TMEM132D: variants seen among roughly 807,000 people sequenced by gnomAD.
TMEM132D encodes mature OL transmembrane protein.
A neutral mutation model predicts 62.3 loss-of-function variants in TMEM132D; 21 were observed. The observed-to-expected ratio is 0.34, with a 90% CI of 0.24 to 0.49. The LOEUF (loss-of-function observed/expected upper bound fraction) is 0.49. Ranked by LOEUF, TMEM132D falls within the 20% of genes least tolerant of loss-of-function variation. The pLI is 0.99. For synonymous variants in TMEM132D, 621 were observed against 575.6 expected, an observed-to-expected ratio of 1.08 and a Z score of -1.13; for missense variants, 1,346 against 1,402.8, an observed-to-expected ratio of 0.96 and a Z score of 0.65.
Position 129,304,188 on chromosome 12 carries a change from C to T in TMEM132D, c.1299+33446G>A, listed in dbSNP as rs558574065. Among the ~76,000 whole-genome samples the T allele has an allele frequency of 2.6e-5, 4 of 152,368 alleles. No homozygotes were observed. The South Asian group carries it at 8.3e-4, about 32-fold the overall frequency. On this transcript the variant is annotated intron_variant, in intron 4 of 8. Coordinates refer to ENST00000422113, the MANE Select transcript of TMEM132D (RefSeq NM_133448.3). Reference sequence around the variant, plus strand: ...TCTGTAAGCAGAGTCATTGACACCACACAGTGGCTGGTGTGATCTTTCAAA... The same window carrying T: ...TCTGTAAGCAGAGTCATTGACACCATACAGTGGCTGGTGTGATCTTTCAAA...
intron 5 of TMEM132D, among the ~76,000 whole-genome samples, chr12:129,138,549 C>T (rs1479238803): frequency 2.0e-5 from 3 of 152,016 alleles, no homozygotes; most frequent in Non-Finnish European, 4.4e-5. Context: ...GAAGAAACCC[C>T]GTCTCTACTA....
intron 5 of TMEM132D, among the ~76,000 whole-genome samples, chr12:129,094,249 A>T (rs1875025350): frequency 6.6e-6 from 1 of 152,244 alleles, no homozygotes; most frequent in Non-Finnish European, 1.5e-5. Context: ...CAGGCAACCT[A>T]CAGAATGGGA....
intron 1 of TMEM132D, among the ~76,000 whole-genome samples, chr12:129,794,638 C>A (rs182060679): frequency 6.6e-6 from 1 of 152,134 alleles, no homozygotes; most frequent in Admixed American, 6.5e-5. Flanking sequence ...TTGCCCATTA[C>A]GTTTTACAGA....
intron 3 of TMEM132D, among the ~76,000 whole-genome samples, chr12:129,523,762 A>G (rs1192514091): frequency 1.3e-5 from 2 of 152,204 alleles, no homozygotes; most frequent in Non-Finnish European, 2.9e-5. Context: ...GCGTCAGGAA[A>G]TGGTGAGTGA....
At chr12:129,587,566 G>C (rs760983969) in intron 2 of TMEM132D, among the ~76,000 whole-genome samples, 19 of 152,158 alleles carry the variant, frequency 1.2e-4, no homozygotes, top group Non-Finnish European at 2.5e-4. Flanking sequence ...TCGCTCCAGA[G>C]CCCTCAGGAA....
chr12:129,445,787 A>T (rs1271816061), intron 3 of TMEM132D, among the ~76,000 whole-genome samples: 1 of 152,186 alleles, frequency 6.6e-6, no homozygotes, highest in Non-Finnish European at 1.5e-5. Context: ...TTGTATTCTT[A>T]CTTGTTGCAG....
intron 2 of TMEM132D, among the ~76,000 whole-genome samples, chr12:129,650,004 A>G (rs1824460817): frequency 6.6e-6 from 1 of 152,076 alleles, no homozygotes; most frequent in African/African-American, 2.4e-5. Context: ...AGGAAATAGA[A>G]TACAAAATAT....
chr12:129,460,683 A>G (rs1873636264), intron 3 of TMEM132D, among the ~76,000 whole-genome samples: 1 of 152,214 alleles, frequency 6.6e-6, no homozygotes, highest in Non-Finnish European at 1.5e-5. Flanking sequence ...GGGAGAGCCA[A>G]ATACCACATG....
intron 3 of TMEM132D, among the ~76,000 whole-genome samples, chr12:129,399,516 C>T (rs1871549691): frequency 7.5e-6 from 1 of 133,884 alleles, no homozygotes; most frequent in African/African-American, 2.9e-5. Context: ...ATCTTCTCAC[C>T]TCTCAAAGGT....
intron 1 of TMEM132D, among the ~76,000 whole-genome samples, chr12:129,836,443 A>G (rs1873006800): frequency 6.6e-6 from 1 of 151,972 alleles, no homozygotes; most frequent in South Asian, 2.1e-4. Flanking sequence ...GGTATTTGTT[A>G]ACTAAATGAT....
chr12:129,288,113 CACA>C (rs903163093), intron 4 of TMEM132D, among the ~76,000 whole-genome samples: 52 of 152,300 alleles, frequency 3.4e-4, no homozygotes, highest in Admixed American at 1.4e-3. Flanking sequence ...GTGCACCATG[CACA>C]ACAACAACTC....
At chr12:129,254,402 C>G (rs1305683003) in intron 4 of TMEM132D, among the ~76,000 whole-genome samples, 1 of 152,184 alleles carries the variant, frequency 6.6e-6, no homozygotes. Flanking sequence ...TCTTAGCGTC[C>G]TTGAGAAGTG....
At chr12:129,255,026 C>T (rs1880364149) in intron 4 of TMEM132D, among the ~76,000 whole-genome samples, 1 of 152,126 alleles carries the variant, frequency 6.6e-6, no homozygotes, top group Non-Finnish European at 1.5e-5. Flanking sequence ...GTGCTGTTCT[C>T]ACGATAGAGT....
chr12:129,076,400 A>G (rs759212546), intron 8 of TMEM132D, among the ~76,000 whole-genome samples: 2 of 149,984 alleles, frequency 1.3e-5, no homozygotes, highest in African/African-American at 2.5e-5. Context: ...CTTTTGCTTG[A>G]GTGGATTTTT....
intron 1 of TMEM132D, among the ~76,000 whole-genome samples, chr12:129,828,697 GAGGGAGGGAGA>G (rs1872729423): frequency 1.3e-5 from 1 of 79,936 alleles, no homozygotes; most frequent in African/African-American, 4.9e-5. Flanking sequence ...GGAAGGGAGG[GAGGGAGGGAGA>G]AGGAAGGGAG....
chr12:129,400,494 G>A (rs1871589700), intron 3 of TMEM132D, among the ~76,000 whole-genome samples: 2 of 152,130 alleles, frequency 1.3e-5, no homozygotes, highest in Non-Finnish European at 2.9e-5. Flanking sequence ...GGCTTTACTG[G>A]TCCAACCAGA....
At chr12:129,419,627 A>G (rs1247071266) in intron 3 of TMEM132D, among the ~76,000 whole-genome samples, 3 of 152,194 alleles carry the variant, frequency 2.0e-5, no homozygotes, top group African/African-American at 7.2e-5. Flanking sequence ...AGCTAATAAT[A>G]TAATTCTTTA....
Position 129,867,737 on chromosome 12 carries a change from A to G in TMEM132D, c.79+35524T>C, listed in dbSNP as rs12317848. ...CAAATTGTACATCTTCAATAGATACAATTTTTGTCAATTTTACCTCAATAA... is the reference window on the plus strand; with the variant it reads ...CAAATTGTACATCTTCAATAGATACGATTTTTGTCAATTTTACCTCAATAA... On this transcript the variant is annotated intron_variant, in intron 1 of 8. Coordinates refer to ENST00000422113, the MANE Select transcript of TMEM132D (RefSeq NM_133448.3). This position sits in a 1 kb window ranked among gnomAD's most constrained non-coding sequence, Gnocchi z 4.5. Among the ~76,000 whole-genome samples, 637 of 152,340 alleles carry G rather than the reference A, an allele frequency of 4.2e-3. 4 individuals carry two copies. Among genetic ancestry groups the G allele is most frequent in the African/African-American group, 0.015 (616 of 41,584 alleles).
In TMEM132D at chr12:129,494,073, C is replaced by T. The variant is rs148713923; in HGVS notation, c.1115+36986G>A. Among the ~76,000 whole-genome samples the T allele has an allele frequency of 2.0e-3, 308 of 152,254 alleles. 2 individuals carry two copies. Among genetic ancestry groups the T allele is most frequent in the African/African-American group, 7.0e-3 (289 of 41,538 alleles). ...CCACCTGGTGAAAAGTGAGCATCCA[C>T]GAACACACGCTCATCCAACAAGCCT... On this transcript the variant is annotated intron_variant, in intron 3 of 8. Coordinates refer to ENST00000422113, the MANE Select transcript of TMEM132D (RefSeq NM_133448.3).
Sources: allele counts gnomAD v4.1 joint callset (sites outside exome capture counted in the v4.1 genomes callset), GRCh38; gene constraint gnomAD v4.1.1; non-coding constraint Gnocchi (gnomAD v3.1); transcripts MANE v1.5; gene names NCBI Gene and HGNC (gene_info 2026-07-23, HGNC 2026-07-21).